The following RHOBTB1 variants were observed in gnomAD, a reference collection of about 807,000 sequenced individuals.
RHOBTB1 encodes Rho related BTB domain containing 1, also known as rho-related BTB domain-containing protein 1.
Under a neutral mutation model 71.6 loss-of-function variants are expected in RHOBTB1, and 40 were observed. The observed-to-expected ratio is 0.56, with a 90% CI of 0.43 to 0.73. The LOEUF is 0.73. Among genes scored for constraint, RHOBTB1 ranks in the 30% least tolerant of loss-of-function variants. The probability of loss-of-function intolerance (pLI) is 0.00; values close to 1 mark genes in which losing one functional copy is unlikely to be tolerated. For missense variants in RHOBTB1, 797 were observed against 894.0 expected, an observed-to-expected ratio of 0.89 and a Z score of 1.38; for synonymous variants, 319 against 334.9, an observed-to-expected ratio of 0.95 and a Z score of 0.52.
intron 2 of RHOBTB1, among the ~76,000 whole-genome samples, chr10:60,983,027 T>C (rs2086553962): frequency 6.6e-6 from 1 of 152,094 alleles, no homozygotes; most frequent in South Asian, 2.1e-4. Flanking sequence ...TTCTGGAAAC[T>C]AATGAAAAAA....
intron 4 of RHOBTB1, among the ~76,000 whole-genome samples, chr10:60,905,449 C>CA (rs35538782): frequency 0.21 from 10,302 of 48,700 alleles, 1,590 homozygotes; most frequent in Middle Eastern, 0.31. Flanking sequence ...GACTCTTTCT[C>CA]AAAAAAAAAA....
downstream of RHOBTB1, among the ~76,000 whole-genome samples, chr10:60,864,538 A>G (rs926568974): frequency 2.0e-5 from 3 of 152,204 alleles, no homozygotes; most frequent in African/African-American, 7.2e-5. Context: ...ATGCAAATAT[A>G]AGCAAAAAAA....
intron 4 of RHOBTB1, among the ~76,000 whole-genome samples, chr10:60,898,329 A>G (rs1321437503): frequency 6.6e-6 from 1 of 152,102 alleles, no homozygotes; most frequent in Admixed American, 6.5e-5. Flanking sequence ...CATTTTCAAA[A>G]CCATTCATGT....
At chr10:60,911,141 C>T (rs1437195667) in intron 3 of RHOBTB1, 151 bp from the exon 4 acceptor site, 5 of 755,204 alleles carry the variant, frequency 6.6e-6, no homozygotes, top group Non-Finnish European at 1.1e-5. Context: ...TCTTAATTCC[C>T]TTCCTGGAAT....
intron 2 of RHOBTB1, among the ~76,000 whole-genome samples, chr10:60,950,186 A>G (rs1160146601): frequency 2.0e-5 from 3 of 152,222 alleles, no homozygotes; most frequent in Admixed American, 1.3e-4. Flanking sequence ...CAGATTGGAA[A>G]ACATGTATGT....
At chr10:60,968,624 A>C (rs2086051797) in intron 2 of RHOBTB1, among the ~76,000 whole-genome samples, 1 of 152,166 alleles carries the variant, frequency 6.6e-6, no homozygotes, top group South Asian at 2.1e-4. Flanking sequence ...TCTGATTTTC[A>C]AAATGGGGAG....
intron 7 of RHOBTB1, among the ~76,000 whole-genome samples, chr10:60,880,093 G>A (rs1269311933): frequency 6.6e-6 from 1 of 151,968 alleles, no homozygotes; most frequent in African/African-American, 2.4e-5. Context: ...CATTTTATAT[G>A]AGGAATTTGA....
chr10:60,961,295 C>T (rs1249629762), intron 2 of RHOBTB1, among the ~76,000 whole-genome samples: 1 of 152,132 alleles, frequency 6.6e-6, no homozygotes, highest in Non-Finnish European at 1.5e-5. Flanking sequence ...GAGCTGGACA[C>T]ATCTGGATTA....
intron 2 of RHOBTB1, among the ~76,000 whole-genome samples, chr10:60,933,209 T>C (rs1200373064): frequency 6.6e-6 from 1 of 152,214 alleles, no homozygotes; most frequent in Non-Finnish European, 1.5e-5. Flanking sequence ...CAGGGCATGT[T>C]CCTATACCTT....
At chr10:60,959,923 C>A (rs983385541) in intron 2 of RHOBTB1, among the ~76,000 whole-genome samples, 15 of 152,106 alleles carry the variant, frequency 9.9e-5, no homozygotes, top group African/African-American at 3.6e-4. Flanking sequence ...ATTCACTGCA[C>A]ATATTAAACA....
intron 2 of RHOBTB1, among the ~76,000 whole-genome samples, chr10:60,918,055 G>T (rs978052128): frequency 3.9e-5 from 6 of 152,184 alleles, no homozygotes; most frequent in Non-Finnish European, 8.8e-5. Flanking sequence ...GCATGTGTGT[G>T]TGGTTATACC....
intron 2 of RHOBTB1, among the ~76,000 whole-genome samples, chr10:60,982,927 G>A (rs1255600025): frequency 2.0e-5 from 3 of 152,114 alleles, no homozygotes; most frequent in Non-Finnish European, 4.4e-5. Flanking sequence ...GGAGCAGTGG[G>A]AGGGAAAGGC....
intron 2 of RHOBTB1, among the ~76,000 whole-genome samples, chr10:60,950,539 T>C (rs1331511247): frequency 6.6e-6 from 1 of 152,216 alleles, no homozygotes; most frequent in Non-Finnish European, 1.5e-5. Flanking sequence ...AGCGGTATTG[T>C]ATTTTGGCCA....
intron 2 of RHOBTB1, among the ~76,000 whole-genome samples, chr10:60,911,923 T>G (rs1288370356): frequency 6.6e-6 from 1 of 152,154 alleles, no homozygotes; most frequent in African/African-American, 2.4e-5. Flanking sequence ...GCAAGTCCGG[T>G]CACCTGTAGG....
At chr10:60,949,999 G>A (rs1055051752) in intron 2 of RHOBTB1, among the ~76,000 whole-genome samples, 1 of 152,188 alleles carries the variant, frequency 6.6e-6, no homozygotes, top group Admixed American at 6.5e-5. Flanking sequence ...TTTCTGTTGG[G>A]GTAGGGTGAG....
chr10:60,943,943 C>T (rs1288503031), intron 1 of RHOBTB1, 28 bp downstream of exon 1: 2 of 151,934 alleles, frequency 1.3e-5, no homozygotes, highest in Admixed American at 1.3e-4. Context: ...AGTTTCATAG[C>T]ATAGAGCACT....
intron 1 of RHOBTB1, among the ~76,000 whole-genome samples, chr10:60,991,008 C>A (rs1344054612): frequency 6.6e-6 from 1 of 152,170 alleles, no homozygotes; most frequent in African/African-American, 2.4e-5. Flanking sequence ...ATGGGGTGCA[C>A]ATAGATATCA....
rs1158945692 is a variant in RHOBTB1 at position 60,871,459 on chromosome 10, T to G, written c.*23A>C. The stretch of plus-strand genomic sequence containing the variant: ...ATCAGATTACCGATTGGTTTCTGTT[T>G]TTTGTTTTTTTTCTCTTCCTCTTCA... On this transcript the variant is annotated 3_prime_UTR_variant, in exon 11 of 11. Transcript: ENST00000337910. The G allele has an allele frequency of 6.2e-7, 1 of 1,608,300 alleles. No homozygotes were observed. Among genetic ancestry groups the G allele is most frequent in the African/African-American group, 1.3e-5 (1 of 74,472 alleles).
intron 2 of RHOBTB1, among the ~76,000 whole-genome samples, chr10:60,926,399 A>T (rs1288298826): frequency 6.6e-6 from 1 of 152,218 alleles, no homozygotes; most frequent in Non-Finnish European, 1.5e-5. Flanking sequence ...TGTTATCCTG[A>T]TACCACAAGC....
Sources: allele counts gnomAD v4.1 joint callset (sites outside exome capture counted in the v4.1 genomes callset), GRCh38; gene constraint gnomAD v4.1.1; transcripts MANE v1.5; gene names NCBI Gene and HGNC (gene_info 2026-07-23, HGNC 2026-07-21).